NCKAP1L: variants seen among roughly 807,000 people sequenced by gnomAD.
NCKAP1L encodes NCK associated protein 1 like.
NCKAP1L carries 53 observed loss-of-function variants against 139.2 expected under a neutral mutation model. The observed-to-expected ratio is 0.38, with a 90% CI of 0.31 to 0.48. NCKAP1L has a LOEUF of 0.48. Among genes scored for constraint, NCKAP1L ranks in the 20% least tolerant of loss-of-function variants. The pLI is 0.98. For missense variants in NCKAP1L, 1,151 were observed against 1,381.9 expected, an observed-to-expected ratio of 0.83 and a Z score of 2.65; for synonymous variants, 468 against 499.7, an observed-to-expected ratio of 0.94 and a Z score of 0.85.
intron 7 of NCKAP1L, 38 bp downstream of exon 7, chr12:54,510,023 C>G (rs912782477): frequency 2.5e-6 from 4 of 1,610,906 alleles, no homozygotes; most frequent in Non-Finnish European, 3.4e-6. Flanking sequence ...GAAGCATTCT[C>G]TTTGCCAAGG....
In NCKAP1L at chr12:54,517,657, T is replaced by C. The variant is rs748893223; in HGVS notation, c.1205+15T>C. 6.3e-7 allele frequency: 1 copy of C among 1,597,160 alleles called. No homozygotes were observed. Among genetic ancestry groups the C allele is most frequent in the Non-Finnish European group, 8.6e-7 (1 of 1,164,490 alleles). ...TATGCTGACTCGTTAGTACTTGACA[T>C]GGCTAAGAACCTTGTCCTTAGATGG... On this transcript the variant is annotated intron_variant, in intron 12 of 30. Coordinates refer to ENST00000293373, the MANE Select transcript of NCKAP1L (RefSeq NM_005337.5).
intron 9 of NCKAP1L, 128 bp downstream of exon 9, chr12:54,512,233 T>G: frequency 1.1e-6 from 1 of 948,838 alleles, no homozygotes; most frequent in South Asian, 1.8e-5. Context: ...TGAAGAAATA[T>G]ACATTAAATA....
Position 54,497,772 on chromosome 12 carries a change from C to T in NCKAP1L, c.-18C>T, listed in dbSNP as rs375665121. On this transcript the variant is annotated 5_prime_UTR_variant, in exon 1 of 31. Transcript: ENST00000293373. ...AGATCAGACATTGCTGTCTGGTGCTCCTCTCTCAGTGGCCATCATGTCTTT... is the reference window on the plus strand; with the variant it reads ...AGATCAGACATTGCTGTCTGGTGCTTCTCTCTCAGTGGCCATCATGTCTTT... 18 of 1,283,364 alleles carry T rather than the reference C, an allele frequency of 1.4e-5. No homozygotes were observed. The African/African-American group carries it at 1.9e-4, about 14-fold the overall frequency. 79.5% of individuals were successfully genotyped at this position (1,283,364 alleles called of 1,614,324 possible).
At chr12:54,506,792 AAAAAATAT>A (rs1324235069) in intron 3 of NCKAP1L, among the ~76,000 whole-genome samples, 3 of 23,156 alleles carry the variant, frequency 1.3e-4, no homozygotes, top group African/African-American at 6.0e-4. Context: ...TATTAAAAAA[AAAAAATAT>A]ATATATATAT....
intron 16 of NCKAP1L, 55 bp from the exon 17 acceptor site, chr12:54,520,639 C>A (rs1956974252): frequency 6.3e-7 from 1 of 1,591,588 alleles, no homozygotes; most frequent in South Asian, 1.1e-5. Context: ...TTTTCACTCA[C>A]CACTTTACTA....
intron 18 of NCKAP1L, among the ~76,000 whole-genome samples, chr12:54,522,724 G>T (rs1290853340): frequency 6.6e-6 from 1 of 152,210 alleles, no homozygotes; most frequent in East Asian, 1.9e-4. Flanking sequence ...TTCAACTGAG[G>T]AGCTTCCAGA....
chr12:54,498,949 G>A (rs1320255645), intron 1 of NCKAP1L: 7 of 78,530 alleles, frequency 8.9e-5, no homozygotes, highest in East Asian at 2.3e-3. Flanking sequence ...ATTTATTTTC[G>A]GAGTCTCGCT....
intron 9 of NCKAP1L, among the ~76,000 whole-genome samples, chr12:54,514,164 T>A (rs1281708884): frequency 6.6e-6 from 1 of 152,212 alleles, no homozygotes; most frequent in Non-Finnish European, 1.5e-5. Flanking sequence ...TTTTTAACAG[T>A]TGAATAATAT....
At chr12:54,500,285 A>T (rs1457078566) in intron 2 of NCKAP1L, among the ~76,000 whole-genome samples, 1 of 151,896 alleles carries the variant, frequency 6.6e-6, no homozygotes. Context: ...CACCACGCCC[A>T]GCTAATTTTT....
Position 54,516,955 on chromosome 12 carries a change from CTG to C in NCKAP1L, c.1062_1063del (p.Leu355GlyfsTer2). The C allele has an allele frequency of 6.2e-7, 1 of 1,612,736 alleles. No homozygotes were observed. The highest frequency in any genetic ancestry group is 1.3e-5 in the African/African-American group (1 of 74,964). ...CGGATGGCAGTGAAGGAGCTGGAGA[CTG>C]TGTTGGCTGATGAACCGGGACTACT... On this transcript the variant is annotated frameshift_variant, in exon 11 of 31. Coordinates refer to ENST00000293373, the MANE Select transcript of NCKAP1L (RefSeq NM_005337.5). LOFTEE classifies it high-confidence loss of function.
At chr12:54,519,965 T>C (rs1956968473) in intron 16 of NCKAP1L, among the ~76,000 whole-genome samples, 1 of 151,494 alleles carries the variant, frequency 6.6e-6, no homozygotes, top group Admixed American at 6.6e-5. Context: ...TGAAAATAAG[T>C]GAGAGGCCTA....
intron 10 of NCKAP1L, 151 bp from the exon 11 acceptor site, chr12:54,516,745 C>T (rs1956935040): frequency 1.6e-6 from 1 of 625,752 alleles, no homozygotes; most frequent in Non-Finnish European, 2.7e-6. Flanking sequence ...CACTCCTGGC[C>T]CTTTTTTCTT....
At chr12:54,506,796 A>AAAAAAAAAAAAATAT in intron 3 of NCKAP1L, among the ~76,000 whole-genome samples, 2 of 50,606 alleles carry the variant, frequency 4.0e-5, no homozygotes, top group Non-Finnish European at 6.1e-5. Context: ...AAAAAAAAAA[A>AAAAAAAAAAAAATAT]ATATATATAT....
intron 9 of NCKAP1L, among the ~76,000 whole-genome samples, chr12:54,514,293 A>G (rs1286757631): frequency 1.3e-5 from 2 of 151,746 alleles, no homozygotes; most frequent in East Asian, 3.9e-4. Flanking sequence ...TTAGGCATAT[A>G]TCTTTGTGAA....
intron 14 of NCKAP1L, 30 bp downstream of exon 14, chr12:54,518,762 C>A (rs772923920): frequency 1.9e-6 from 3 of 1,573,686 alleles, no homozygotes; most frequent in Non-Finnish European, 2.6e-6. Flanking sequence ...GGAGGCAGGA[C>A]ATATGTGAGG....
At position 54,536,796 on chromosome 12, in the gene NCKAP1L, T is replaced by TA. The variant is rs1369517285; in HGVS notation, c.3074-146dup. On this transcript the variant is annotated intron_variant, in intron 28 of 30. Transcript: ENST00000293373. ...AGATTTCATAGGAATATCCTGCCTC[T>TA]AATCTCAAAATGCCTTCTCATCCTT... 5 of 582,558 alleles carry TA rather than the reference T, an allele frequency of 8.6e-6. No individual in the cohort carries two copies. The Admixed American group carries it at 1.5e-4, about 17-fold the overall frequency. 36.1% of individuals were successfully genotyped at this position (582,558 alleles called of 1,614,324 possible).
At chr12:54,511,112 A>T (rs1038835106) in intron 7 of NCKAP1L, among the ~76,000 whole-genome samples, 5 of 152,226 alleles carry the variant, frequency 3.3e-5, no homozygotes, top group Admixed American at 6.5e-5. Flanking sequence ...AGTGATTTAC[A>T]TTTTAAGCAG....
chr12:54,541,891 G>A lies in NCKAP1L; in HGVS notation c.3274-684G>A, dbSNP rs143352677. Among the ~76,000 whole-genome samples the A allele has an allele frequency of 9.0e-3, 1,373 of 152,136 alleles. 19 individuals are homozygous for A. The highest frequency in any genetic ancestry group is 0.029 in the African/African-American group (1,216 of 41,496). On this transcript the variant is annotated intron_variant, in intron 30 of 30. Transcript: ENST00000293373. Reference sequence around the variant, plus strand: ...AGGGATGGGGACCCTCCAGTCCACCGCTAGGCTATGCTGCTCTTCATGAAC... The same window carrying A: ...AGGGATGGGGACCCTCCAGTCCACCACTAGGCTATGCTGCTCTTCATGAAC...
chr12:54,522,642 A>G (rs1956993180), intron 18 of NCKAP1L, among the ~76,000 whole-genome samples: 1 of 152,194 alleles, frequency 6.6e-6, no homozygotes, highest in Non-Finnish European at 1.5e-5. Context: ...TTTGGATTTA[A>G]AAAAAGAAGG....
Sources: allele counts gnomAD v4.1 joint callset (sites outside exome capture counted in the v4.1 genomes callset), GRCh38; gene constraint gnomAD v4.1.1; transcripts MANE v1.5; gene names NCBI Gene and HGNC (gene_info 2026-07-23, HGNC 2026-07-21).